The following SOX6 variants were observed in gnomAD, a reference collection of about 807,000 sequenced individuals.
The protein encoded by SOX6 is transcription factor SOX-6.
SOX6 carries 11 observed loss-of-function variants against 97.8 expected under a neutral mutation model. The ratio of observed to expected loss-of-function variants is 0.11; its 90% CI spans 0.07 to 0.19. The LOEUF (loss-of-function observed/expected upper bound fraction) is 0.19, where lower values mean the gene tolerates loss of function less well. SOX6 is among the 10% of genes least tolerant of loss of function. The probability of loss-of-function intolerance (pLI) is 1.00; values close to 1 mark genes in which losing one functional copy is unlikely to be tolerated. For missense variants in SOX6, 810 were observed against 1,039.5 expected (o/e 0.78, Z 3.04); for synonymous variants, 360 against 371.4 (o/e 0.97, Z 0.35).
At chr11:16,674,331 A>G (rs1330318600) in intron 3 of SOX6, among the ~76,000 whole-genome samples, 1 of 152,220 alleles carries the variant, frequency 6.6e-6, no homozygotes, top group Non-Finnish European at 1.5e-5. Flanking sequence ...CCGAAAAAGC[A>G]TTTGATAAGA....
At chr11:16,671,650 TAA>T (rs1847848255) in intron 3 of SOX6, among the ~76,000 whole-genome samples, 2 of 152,030 alleles carry the variant, frequency 1.3e-5, no homozygotes, top group African/African-American at 4.8e-5. Context: ...TGGAGTCACG[TAA>T]AGAGGCCAAA....
At chr11:16,644,596 A>T (rs1207063523) in intron 3 of SOX6, among the ~76,000 whole-genome samples, 1 of 151,948 alleles carries the variant, frequency 6.6e-6, no homozygotes, top group Admixed American at 6.5e-5. Context: ...GGGGGTAGAG[A>T]TTTAAACTAT....
At chr11:16,722,533 C>T (rs1848275132) in intron 2 of SOX6, among the ~76,000 whole-genome samples, 3 of 152,074 alleles carry the variant, frequency 2.0e-5, no homozygotes, top group African/African-American at 7.2e-5. Context: ...TGCCTTTAAT[C>T]CCAGCCACTT....
intron 4 of SOX6, among the ~76,000 whole-genome samples, chr11:16,527,719 C>T (rs750831081): frequency 6.6e-6 from 1 of 152,106 alleles, no homozygotes; most frequent in Non-Finnish European, 1.5e-5. Context: ...TGGAGAACAG[C>T]ATGTCCCAGA....
chr11:16,652,282 T>TA (rs1450049706), intron 3 of SOX6, among the ~76,000 whole-genome samples: 1 of 151,944 alleles, frequency 6.6e-6, no homozygotes, highest in Non-Finnish European at 1.5e-5. Flanking sequence ...ATGTAGAACC[T>TA]AAAAAGACCT....
chr11:16,495,480 C>T (rs7108946), intron 4 of SOX6, among the ~76,000 whole-genome samples: 147,253 of 152,202 alleles, frequency 0.97, 71,433 homozygotes, highest in East Asian at 1. Context: ...TCCACCACCA[C>T]TGGCTCCCAA....
chr11:16,636,428 A>G (rs1257096261), intron 3 of SOX6, among the ~76,000 whole-genome samples: 2 of 152,336 alleles, frequency 1.3e-5, no homozygotes, highest in Admixed American at 6.5e-5. Context: ...CCCTCATTGC[A>G]TCTAGGAAGT....
chr11:16,492,815 C>G (rs1252324283), intron 4 of SOX6, among the ~76,000 whole-genome samples: 7 of 151,934 alleles, frequency 4.6e-5, no homozygotes, highest in African/African-American at 1.7e-4. Context: ...AAAATGGAAC[C>G]AAAAACGGAT....
At chr11:16,570,786 G>T (rs1334850652) in intron 4 of SOX6, among the ~76,000 whole-genome samples, 1 of 152,102 alleles carries the variant, frequency 6.6e-6, no homozygotes, top group Admixed American at 6.5e-5. Flanking sequence ...AAATATACCT[G>T]TGTTGCTTTT....
At chr11:16,648,555 G>T (rs999648580) in intron 3 of SOX6, among the ~76,000 whole-genome samples, 1 of 152,184 alleles carries the variant, frequency 6.6e-6, no homozygotes, top group Non-Finnish European at 1.5e-5. Context: ...GCCACCTTCT[G>T]GCTGGAGGCC....
At chr11:16,508,092 A>C (rs1860819409) in intron 4 of SOX6, among the ~76,000 whole-genome samples, 1 of 152,186 alleles carries the variant, frequency 6.6e-6, no homozygotes, top group East Asian at 1.9e-4. Context: ...TGAATACATA[A>C]ATAATAAATT....
At chr11:16,334,848 T>C (rs1856410271) in intron 2 of SOX6, among the ~76,000 whole-genome samples, 2 of 152,214 alleles carry the variant, frequency 1.3e-5, no homozygotes, top group Admixed American at 1.3e-4. Flanking sequence ...ATAATTTATA[T>C]TTCCATAAAC....
chr11:16,699,986 A>G, intron 3 of SOX6, among the ~76,000 whole-genome samples: 1 of 151,986 alleles, frequency 6.6e-6, no homozygotes, highest in Non-Finnish European at 1.5e-5. Context: ...CAGTTCCTTC[A>G]TGGAGCTTTT....
chr11:16,497,132 G>A (rs981237387), intron 4 of SOX6, among the ~76,000 whole-genome samples: 3 of 152,200 alleles, frequency 2.0e-5, no homozygotes, highest in Non-Finnish European at 4.4e-5. Context: ...CCAGAGGAAC[G>A]ATCAGGCAGC....
chr11:16,273,936 G>T, intron 3 of SOX6, among the ~76,000 whole-genome samples: 1 of 151,800 alleles, frequency 6.6e-6, no homozygotes, highest in Admixed American at 6.6e-5. Flanking sequence ...AACAACTATG[G>T]GAATTATAAA....
chr11:16,298,139 C>A (rs1024001605), intron 3 of SOX6, among the ~76,000 whole-genome samples: 1 of 152,048 alleles, frequency 6.6e-6, no homozygotes, highest in Non-Finnish European at 1.5e-5. Context: ...CTGACTGGGA[C>A]CCTCATTTTA....
At chr11:16,632,923 G>C (rs1253988207) in intron 3 of SOX6, among the ~76,000 whole-genome samples, 6 of 152,244 alleles carry the variant, frequency 3.9e-5, no homozygotes, top group African/African-American at 1.4e-4. Flanking sequence ...ATACAGCAGA[G>C]AGGGCTTCCC....
At chr11:16,632,713 G>A (rs530067158) in intron 3 of SOX6, among the ~76,000 whole-genome samples, 6 of 152,322 alleles carry the variant, frequency 3.9e-5, no homozygotes, top group South Asian at 2.1e-4. Flanking sequence ...CAACCTCCTC[G>A]GCCCTCTTTG....
At chr11:16,229,845 T>A (rs1339935120) in intron 4 of SOX6, among the ~76,000 whole-genome samples, 1 of 151,922 alleles carries the variant, frequency 6.6e-6, no homozygotes, top group Admixed American at 6.5e-5. Flanking sequence ...GTTCATGTTA[T>A]TTATTCAACA....
Sources: gnomAD v4.1 joint callset for allele counts (sites outside exome capture counted in the v4.1 genomes callset) on GRCh38, gnomAD v4.1.1 for gene constraint, MANE v1.5 for transcripts, NCBI Gene and HGNC (gene_info 2026-07-23, HGNC 2026-07-21) for gene names.